The following GDA variants were observed in gnomAD, a reference collection of about 807,000 sequenced individuals.
GDA encodes cytoplasmic PSD-95 interactor.
In GDA, 18 loss-of-function variants were observed where a neutral mutation model predicts 59.6. The observed-to-expected ratio is 0.30, with a 90% CI of 0.21 to 0.45. The LOEUF is 0.45. Ranked by LOEUF, GDA falls within the 20% of genes least tolerant of loss-of-function variation. The probability of loss-of-function intolerance (pLI) is 1.00; values close to 1 mark genes in which losing one functional copy is unlikely to be tolerated. For missense variants in GDA, 427 were observed against 552.3 expected, an observed-to-expected ratio of 0.77 and a Z score of 2.27; for synonymous variants, 201 against 201.1, an observed-to-expected ratio of 1.00 and a Z score of 0.00.
At chr9:72,219,711 T>C (rs1836610946) in intron 6 of GDA, among the ~76,000 whole-genome samples, 1 of 152,222 alleles carries the variant, frequency 6.6e-6, no homozygotes, top group Non-Finnish European at 1.5e-5. Flanking sequence ...TCTTAAAATA[T>C]TTAATTGACA....
rs1333626537 is a variant in GDA, at chr9:72,250,530, T to G, written c.*2188T>G. 2 of 1,420,676 alleles carry G rather than the reference T, an allele frequency of 1.4e-6. No individual in the cohort carries two copies. Among genetic ancestry groups the G allele is most frequent in the Non-Finnish European group, 1.8e-6 (2 of 1,090,812 alleles). The allele number at this position is 1,420,676 out of a possible 1,614,324, so 88.0% of individuals were successfully genotyped here. On this transcript the variant is annotated 3_prime_UTR_variant, in exon 14 of 14. Coordinates refer to ENST00000358399, the MANE Select transcript of GDA (RefSeq NM_004293.5). The stretch of plus-strand genomic sequence containing the variant: ...TGTACTTTGATCTCTCCACATCACT[T>G]ATAACTTATGTGTTTTATTTCTCCA...
chr9:72,250,761 T>C lies in GDA; in HGVS notation c.*2419T>C. 1.9e-6 allele frequency: 3 copies of C among 1,611,550 alleles called. No homozygotes were observed. The highest frequency in any genetic ancestry group is 2.5e-6 in the Non-Finnish European group (3 of 1,178,832). On this transcript the variant is annotated 3_prime_UTR_variant, in exon 14 of 14. Coordinates refer to ENST00000358399, the MANE Select transcript of GDA (RefSeq NM_004293.5). ...TTGCTCTCTGACAGGAAAGAAACAATTCACTTACCAGCCTCCTCACCCCAT... is the reference window on the plus strand; with the variant it reads ...TTGCTCTCTGACAGGAAAGAAACAACTCACTTACCAGCCTCCTCACCCCAT...
chr9:72,166,624 C>T (rs1829348361), intron 1 of GDA, among the ~76,000 whole-genome samples: 1 of 152,108 alleles, frequency 6.6e-6, no homozygotes, highest in African/African-American at 2.4e-5. Context: ...TAACAAATAT[C>T]ACATGTACCC....
At chr9:72,156,876 A>G (rs1328817325) in intron 1 of GDA, among the ~76,000 whole-genome samples, 1 of 152,142 alleles carries the variant, frequency 6.6e-6, no homozygotes, top group Non-Finnish European at 1.5e-5. Flanking sequence ...ATACTCTCAT[A>G]TGAAGAAAAG....
chr9:72,225,666 T>A lies in GDA; in HGVS notation c.715-11T>A. 8.2e-7 allele frequency: 1 copy of A among 1,226,140 alleles called. No homozygotes were observed. Among genetic ancestry groups the A allele is most frequent in the Non-Finnish European group, 1.2e-6 (1 of 851,752 alleles). The allele number at this position is 1,226,140 out of a possible 1,614,324, so 76.0% of individuals were successfully genotyped here. A position where few individuals can be genotyped will look rare whatever the true frequency, so the allele number is the denominator to read the frequency against. ...CAGAAGAAAAATGAAAATATTATTTTTTTCTTGTAGAGCCATATAAGTGAA... is the reference window on the plus strand; with the variant it reads ...CAGAAGAAAAATGAAAATATTATTTATTTCTTGTAGAGCCATATAAGTGAA... On this transcript the variant is annotated splice_polypyrimidine_tract_variant and intron_variant, in intron 7 of 13. Transcript: ENST00000358399.
chr9:72,159,258 A>G (rs921966473), intron 1 of GDA, among the ~76,000 whole-genome samples: 2 of 152,040 alleles, frequency 1.3e-5, no homozygotes, highest in Non-Finnish European at 2.9e-5. Context: ...GCCAGGCATG[A>G]TGGCAGGTGC....
At chr9:72,122,538 T>G (rs1389136516) in intron 1 of GDA, among the ~76,000 whole-genome samples, 1 of 152,136 alleles carries the variant, frequency 6.6e-6, no homozygotes, top group Non-Finnish European at 1.5e-5. Context: ...TTAACGTATG[T>G]AATGGAACAC....
intron 9 of GDA, among the ~76,000 whole-genome samples, chr9:72,229,773 G>T (rs963129705): frequency 6.6e-6 from 1 of 152,152 alleles, no homozygotes; most frequent in Non-Finnish European, 1.5e-5. Flanking sequence ...ATATATGTCA[G>T]TGTCATTATG....
intron 1 of GDA, among the ~76,000 whole-genome samples, chr9:72,127,509 C>G (rs62561329): frequency 0.16 from 23,800 of 151,612 alleles, 2,470 homozygotes; most frequent in East Asian, 0.51. Flanking sequence ...TGGTGGTGTG[C>G]GTCTGTAGTC....
chr9:72,233,856 C>T (rs895506414), intron 10 of GDA, among the ~76,000 whole-genome samples: 13 of 152,178 alleles, frequency 8.5e-5, no homozygotes, highest in African/African-American at 3.1e-4. Flanking sequence ...GCAGGAGGAT[C>T]GCTTGAGCTT....
intron 1 of GDA, among the ~76,000 whole-genome samples, chr9:72,185,847 C>T (rs1271506355): frequency 6.6e-6 from 1 of 152,194 alleles, no homozygotes; most frequent in South Asian, 2.1e-4. Flanking sequence ...TCCCGACATT[C>T]TCATTATTGC....
At chr9:72,218,966 C>T (rs1836497129) in intron 5 of GDA, among the ~76,000 whole-genome samples, 1 of 152,170 alleles carries the variant, frequency 6.6e-6, no homozygotes, top group South Asian at 2.1e-4. Context: ...TTTTGCACTC[C>T]ATCTCTGGCT....
intron 4 of GDA, among the ~76,000 whole-genome samples, chr9:72,212,774 T>C (rs1208943860): frequency 6.6e-6 from 1 of 151,774 alleles, no homozygotes; most frequent in Non-Finnish European, 1.5e-5. Flanking sequence ...CAAGGGATGG[T>C]GGTAGAGTAG....
intron 11 of GDA, among the ~76,000 whole-genome samples, chr9:72,244,037 C>T (rs1045868786): frequency 5.3e-5 from 8 of 151,816 alleles, no homozygotes; most frequent in African/African-American, 1.2e-4. Flanking sequence ...ATTAGCCGGG[C>T]GTGGTGGTGG....
At chr9:72,180,411 T>A (rs1831043722) in intron 1 of GDA, among the ~76,000 whole-genome samples, 1 of 152,058 alleles carries the variant, frequency 6.6e-6, no homozygotes, top group South Asian at 2.1e-4. Context: ...AGGGAGTACT[T>A]TTGTGTGTGC....
At chr9:72,215,696 C>A (rs1487045908) in intron 5 of GDA, among the ~76,000 whole-genome samples, 1 of 152,114 alleles carries the variant, frequency 6.6e-6, no homozygotes, top group African/African-American at 2.4e-5. Flanking sequence ...TAGAGAGAGA[C>A]CATGGGAGGG....
intron 1 of GDA, among the ~76,000 whole-genome samples, chr9:72,188,317 A>G (rs1458977368): frequency 6.6e-6 from 1 of 152,236 alleles, no homozygotes; most frequent in Non-Finnish European, 1.5e-5. Flanking sequence ...AAGAGGGCAG[A>G]ATAGTTTGAG....
Position 72,248,283 on chromosome 9 carries a change from A to G in GDA, c.1306A>G (p.Asn436Asp). The G allele has an allele frequency of 1.2e-6, 2 of 1,610,686 alleles. No homozygotes were observed. The highest frequency in any genetic ancestry group is 4.5e-5 in the East Asian group (2 of 44,860). ...QKFLYLGDDR[N>D]IEEVYVGGKQ... ...GATTTTTCTTTCAGGAGATGATCGA[A>G]ATATTGAAGAGGTTTATGTGGGCGG... Residue 436 changes from asparagine to aspartate, a missense_variant, in exon 14 of 14, where the codon AAT becomes GAT. Coordinates refer to ENST00000358399, the MANE Select transcript of GDA (RefSeq NM_004293.5).
chr9:72,225,448 C>T (rs188072097), intron 7 of GDA, among the ~76,000 whole-genome samples: 102 of 152,112 alleles, frequency 6.7e-4, no homozygotes, highest in Admixed American at 1.6e-3. Flanking sequence ...CCCACATCCA[C>T]ACACACACAC....
Sources: allele counts gnomAD v4.1 joint callset (sites outside exome capture counted in the v4.1 genomes callset), GRCh38; gene constraint gnomAD v4.1.1; transcripts MANE v1.5; gene names NCBI Gene and HGNC (gene_info 2026-07-23, HGNC 2026-07-21).